The following DNA2 variants were observed in gnomAD, a reference collection of about 807,000 sequenced individuals.
DNA2 encodes DNA replication helicase/nuclease 2, also known as DNA replication ATP-dependent helicase/nuclease DNA2.
A neutral mutation model predicts 119.1 loss-of-function variants in DNA2; 101 were observed. The ratio of observed to expected loss-of-function variants is 0.85; its 90% CI spans 0.72 to 1.00. The LOEUF (loss-of-function observed/expected upper bound fraction) is 1.00. DNA2 is among the 50% of genes least tolerant of loss of function. The pLI, the probability that DNA2 is intolerant of heterozygous loss-of-function variation, is 0.00. For synonymous variants in DNA2, 366 were observed against 424.4 expected (o/e 0.86, Z 1.69); for missense variants, 1,121 against 1,255.5 (o/e 0.89, Z 1.62).
At chr10:68,433,382 G>C (rs10998160) in intron 10 of DNA2, among the ~76,000 whole-genome samples, 19,422 of 152,082 alleles carry the variant, frequency 0.13, 1,483 homozygotes, top group East Asian at 0.25. Flanking sequence ...CACTGCAACA[G>C]CTTCCAGGTT....
At chr10:68,434,944 G>A (rs954221435) in intron 10 of DNA2, among the ~76,000 whole-genome samples, 4 of 152,206 alleles carry the variant, frequency 2.6e-5, no homozygotes, top group African/African-American at 9.6e-5. Flanking sequence ...AAATGGTCGG[G>A]CATGCCCGTA....
chr10:68,448,860 C>T (rs2052075222), intron 6 of DNA2, among the ~76,000 whole-genome samples: 2 of 152,258 alleles, frequency 1.3e-5, no homozygotes, highest in Admixed American at 6.5e-5. Flanking sequence ...TCACTACAAC[C>T]TCTGCCTCCC....
At chr10:68,460,428 T>C (rs904546124) in intron 4 of DNA2, among the ~76,000 whole-genome samples, 2 of 151,718 alleles carry the variant, frequency 1.3e-5, no homozygotes, top group African/African-American at 2.4e-5. Flanking sequence ...AATTTTTTTT[T>C]TTTTTTGAGA....
Position 68,414,394 on chromosome 10 carries a change from T to G in DNA2, c.*645A>C, listed in dbSNP as rs951683916. ...GAAAATAGGAATCAACTTTTTAAAT[T>G]TATTATCAATTCAGAAAACAAAATT... On this transcript the variant is annotated 3_prime_UTR_variant, in exon 21 of 21. Coordinates refer to ENST00000358410, the MANE Select transcript of DNA2 (RefSeq NM_001080449.3). The G allele has an allele frequency of 6.6e-6, 1 of 152,128 alleles. No homozygotes were observed. Among genetic ancestry groups the G allele is most frequent in the African/African-American group, 2.4e-5 (1 of 41,442 alleles). The allele number at this position is 152,128 out of a possible 1,614,324, so 9.4% of individuals were successfully genotyped here. A position where few individuals can be genotyped will look rare whatever the true frequency, so the allele number is the denominator to read the frequency against.
At chr10:68,430,028 C>A (rs1342328027) in intron 14 of DNA2, among the ~76,000 whole-genome samples, 1 of 151,356 alleles carries the variant, frequency 6.6e-6, no homozygotes, top group East Asian at 2.0e-4. Context: ...GAATTACAGG[C>A]GCCCACCACC....
chr10:68,437,288 G>GT (rs950256681), intron 9 of DNA2, 47 bp from the exon 10 acceptor site: 2 of 1,433,108 alleles, frequency 1.4e-6, no homozygotes, highest in East Asian at 2.3e-5. Flanking sequence ...TATTACATAC[G>GT]TAAGTATTGT....
chr10:68,440,523 T>C (rs2051954438), intron 9 of DNA2, among the ~76,000 whole-genome samples: 1 of 151,816 alleles, frequency 6.6e-6, no homozygotes, highest in Non-Finnish European at 1.5e-5. Flanking sequence ...GGTCTCAATA[T>C]CCTGACCTCG....
At chr10:68,416,906 A>G in intron 19 of DNA2, 51 bp from the exon 20 acceptor site, 2 of 1,506,650 alleles carry the variant, frequency 1.3e-6, no homozygotes, top group Non-Finnish European at 1.8e-6. Context: ...ATGGTTAAAT[A>G]TATTACAACA....
chr10:68,415,496 G>A (rs1021025466), intron 20 of DNA2, among the ~76,000 whole-genome samples: 3 of 151,888 alleles, frequency 2.0e-5, no homozygotes, highest in East Asian at 1.9e-4. Flanking sequence ...GGCTGGTCTC[G>A]AACTCCCAAC....
chr10:68,435,466 T>G (rs1389183804), intron 10 of DNA2, among the ~76,000 whole-genome samples: 3 of 151,938 alleles, frequency 2.0e-5, no homozygotes, highest in African/African-American at 7.3e-5. Flanking sequence ...CATATATATA[T>G]ATATTTTTAG....
In DNA2 at chr10:68,444,973, C is replaced by T. The variant is rs978887705; in HGVS notation, c.1168G>A (p.Glu390Lys). 6.2e-7 allele frequency: 1 copy of T among 1,613,620 alleles called. No individual in the cohort carries two copies. Among genetic ancestry groups the T allele is most frequent in the African/African-American group, 1.3e-5 (1 of 75,022 alleles). Residue 390 changes from glutamate to lysine, a missense_variant, in exon 8 of 21, where the codon GAG becomes AAG. Glu to Lys is a moderately conservative substitution (Grantham distance 56, BLOSUM62 1). Coordinates refer to ENST00000358410, the MANE Select transcript of DNA2 (RefSeq NM_001080449.3). The stretch of plus-strand genomic sequence containing the variant: ...TGTGAACAATATTTACAAGTTTTCT[C>T]TTCCTCAATTATTTGTGGCAAAGAA... Reference protein sequence around the residue: ...LASLPQIIEEEKTCKYCSQIG... With the variant: ...LASLPQIIEEKKTCKYCSQIG...
rs762382900 is a variant in DNA2, at chr10:68,431,851, A to G, written c.1983+11T>C. On this transcript the variant is annotated intron_variant, in intron 13 of 20. Coordinates refer to ENST00000358410, the MANE Select transcript of DNA2 (RefSeq NM_001080449.3). Reference sequence around the variant, plus strand: ...ATATTTTGTCTCTAAGCAGAAGAATAATAACCTTACGAGAGTACATATCGT... The same window carrying G: ...ATATTTTGTCTCTAAGCAGAAGAATGATAACCTTACGAGAGTACATATCGT... The G allele has an allele frequency of 4.1e-5, 64 of 1,571,806 alleles. No homozygotes were observed. The South Asian group carries it at 5.0e-4, about 12-fold the overall frequency.
intron 4 of DNA2, among the ~76,000 whole-genome samples, chr10:68,462,258 G>A (rs1445335207): frequency 6.6e-6 from 1 of 152,110 alleles, no homozygotes; most frequent in African/African-American, 2.4e-5. Context: ...TGTAATCCCA[G>A]CTACTCAGGA....
intron 4 of DNA2, among the ~76,000 whole-genome samples, chr10:68,460,291 T>C (rs1030959259): frequency 2.6e-5 from 4 of 151,850 alleles, no homozygotes; most frequent in African/African-American, 9.7e-5. Context: ...GTATTTTCAG[T>C]AGAGATTGGG....
intron 14 of DNA2, among the ~76,000 whole-genome samples, chr10:68,428,649 C>G (rs981874041): frequency 3.9e-4 from 59 of 152,170 alleles, no homozygotes; most frequent in African/African-American, 9.7e-5. Flanking sequence ...CAAAAAGGAA[C>G]AAACTATTAA....
intron 14 of DNA2, among the ~76,000 whole-genome samples, chr10:68,423,812 C>T (rs1162351961): frequency 6.6e-6 from 1 of 152,226 alleles, no homozygotes; most frequent in African/African-American, 2.4e-5. Flanking sequence ...AGGAACCTCC[C>T]ACTTTGGTCA....
intron 5 of DNA2, among the ~76,000 whole-genome samples, chr10:68,454,502 A>G (rs1387941724): frequency 6.6e-6 from 1 of 152,040 alleles, no homozygotes; most frequent in Non-Finnish European, 1.5e-5. Context: ...ATAGATATCT[A>G]CCGTAATTTA....
At position 68,469,209 on chromosome 10, in the gene DNA2, GC is replaced by G. The variant is rs547959356; in HGVS notation, c.257+771del. On this transcript the variant is annotated intron_variant, in intron 2 of 20. Transcript: ENST00000358410. ...ATGTCCATATGTTTTAATTAATTTT[GC>G]TTTTAGTTAAAACTAACATGTGTTT... 3.5e-3 allele frequency among the ~76,000 whole-genome samples: 526 copies of G among 151,120 alleles called. 6 individuals are homozygous for G. Among genetic ancestry groups the G allele is most frequent in the African/African-American group, 0.012 (493 of 41,286 alleles).
chr10:68,462,043 T>C (rs1450102483), intron 4 of DNA2, among the ~76,000 whole-genome samples: 1 of 152,196 alleles, frequency 6.6e-6, no homozygotes, highest in Non-Finnish European at 1.5e-5. Context: ...ATTAAAATGT[T>C]ATGTTAACAA....
Sources: gnomAD v4.1 joint callset for allele counts (sites outside exome capture counted in the v4.1 genomes callset) on GRCh38, gnomAD v4.1.1 for gene constraint, MANE v1.5 for transcripts, NCBI Gene and HGNC (gene_info 2026-07-23, HGNC 2026-07-21) for gene names.